Variants in MFGE8 observed in about 807,000 individuals in gnomAD.
MFGE8 encodes lactadherin.
Under a neutral mutation model 42.6 loss-of-function variants are expected in MFGE8, and 34 were observed. That is an observed-to-expected ratio of 0.80 (90% CI 0.61 to 1.06). MFGE8 has a LOEUF of 1.06. MFGE8 is among the 50% of genes least tolerant of loss of function. The probability of loss-of-function intolerance (pLI) is 0.00; values close to 1 mark genes in which losing one functional copy is unlikely to be tolerated. For synonymous variants in MFGE8, 230 were observed against 214.8 expected (o/e 1.07, Z -0.62); for missense variants, 510 against 516.9 (o/e 0.99, Z 0.13).
Position 88,899,731 on chromosome 15 carries a change from T to G in MFGE8, c.951A>C (p.Ala317=). 6.2e-7 allele frequency: 1 copy of G among 1,614,194 alleles called. No homozygotes were observed. The highest frequency in any genetic ancestry group is 8.5e-7 in the Non-Finnish European group (1 of 1,180,038). The change falls in exon 7 of 8, where the codon GCA becomes GCC. Residue 317 remains alanine (A), a synonymous_variant. Transcript: ENST00000268150. The surrounding 1 kb of genome is among the most constrained non-coding windows in gnomAD (Gnocchi z 6.8). ...ARNFGSVQFV[A]SYKVAYSNDS... ...CATTACTGTAGGCAACCTTGTAGGA[T>G]GCCACAAACTGGACAGAGCCAAAGT...
Position 88,905,306 on chromosome 15 carries a change from C to A in MFGE8, c.685+451G>T. ...TAATAAATCATTCATCGGGGCCCCA[C>A]GCCCCTCATTCATTCATTCGCTCAT... On this transcript the variant is annotated intron_variant, in intron 5 of 7. Transcript: ENST00000268150. This position sits in a 1 kb window ranked among gnomAD's most constrained non-coding sequence, Gnocchi z 6.6. 2 of 366,622 alleles carry A rather than the reference C, an allele frequency of 5.5e-6. No individual in the cohort carries two copies. The highest frequency in any genetic ancestry group is 4.1e-5 in the South Asian group (2 of 48,216). The allele number at this position is 366,622 out of a possible 1,614,324, so 22.7% of individuals were successfully genotyped here.
chr15:88,905,750 C>G lies in MFGE8; in HGVS notation c.685+7G>C, dbSNP rs1898640971. On this transcript the variant is annotated splice_region_variant and intron_variant, in intron 5 of 7. Coordinates refer to ENST00000268150, the MANE Select transcript of MFGE8 (RefSeq NM_005928.4). The surrounding 1 kb of genome is among the most constrained non-coding windows in gnomAD (Gnocchi z 6.6). ...AGTGCCCCCCTACCCGCACCCCCAG[C>G]ACTCACCGTTCAGCTCACAGCCCAG... The G allele has an allele frequency of 6.2e-7, 1 of 1,613,980 alleles. No homozygotes were observed. Among genetic ancestry groups the G allele is most frequent in the South Asian group, 1.1e-5 (1 of 91,086 alleles).
At chr15:88,908,079 T>C (rs756401057) in intron 2 of MFGE8, among the ~76,000 whole-genome samples, 4 of 152,110 alleles carry the variant, frequency 2.6e-5, no homozygotes, top group African/African-American at 4.8e-5. Flanking sequence ...TCTGTGAACA[T>C]GCCCGTGGCC....
At chr15:88,910,246 G>A (rs1898895340) in intron 1 of MFGE8, 1 of 370,898 alleles carries the variant, frequency 2.7e-6, no homozygotes, top group African/African-American at 2.1e-5. Context: ...CTGGGGTCTG[G>A]AGAGGCAGGC....
intron 1 of MFGE8, chr15:88,910,655 T>C (rs1317060798): frequency 6.4e-6 from 1 of 156,412 alleles, no homozygotes; most frequent in Non-Finnish European, 1.4e-5. Flanking sequence ...GGAGGGAATA[T>C]TTGAGCTGGG....
At chr15:88,901,517 A>ACCCAAAAAGGGGGAC in intron 6 of MFGE8, 34 bp downstream of exon 6, 1 of 1,072,614 alleles carries the variant, frequency 9.3e-7, no homozygotes, top group Non-Finnish European at 1.4e-6. Flanking sequence ...ATCCCACCCA[A>ACCCAAAAAGGGGGAC]CCCCAGCCCC....
rs369147958 is a variant in MFGE8, at chr15:88,905,830, G to A, written c.612C>T (p.Tyr204=). 2.8e-5 allele frequency: 46 copies of A among 1,614,174 alleles called. No individual in the cohort carries two copies. Among genetic ancestry groups the A allele is most frequent in the African/African-American group, 2.3e-4 (17 of 75,024 alleles). The part of the protein sequence containing the change: ...NLFETPVEAQ[Y]VRLYPTSCHT... ...GGCAGCTCGTGGGGTACAATCTCACGTACTGAGCCTCCACAGGGGTCTCAA... is the reference window on the plus strand; with the variant it reads ...GGCAGCTCGTGGGGTACAATCTCACATACTGAGCCTCCACAGGGGTCTCAA... The change falls in exon 5 of 8, where the codon TAC becomes TAT. Residue 204 remains tyrosine, a synonymous_variant. Coordinates refer to ENST00000268150, the MANE Select transcript of MFGE8 (RefSeq NM_005928.4). This position sits in a 1 kb window ranked among gnomAD's most constrained non-coding sequence, Gnocchi z 6.6.
chr15:88,900,118 T>A (rs1898290523), intron 6 of MFGE8, among the ~76,000 whole-genome samples: 1 of 151,916 alleles, frequency 6.6e-6, no homozygotes, highest in East Asian at 1.9e-4. Context: ...GGTGGCTGCC[T>A]GTAATCCCAG....
At position 88,906,786 on chromosome 15, in the gene MFGE8, C is replaced by A. The variant is rs201293111; in HGVS notation, c.388-8G>T. On this transcript the variant is annotated splice_polypyrimidine_tract_variant and splice_region_variant and intron_variant, in intron 3 of 7. Transcript: ENST00000268150. The surrounding 1 kb of genome is among the most constrained non-coding windows in gnomAD (Gnocchi z 4.2). ...CCTCCGCAGCAGGTTCACCTGGACACAGGGCAGGGGAGATGGCACCCTTAT... is the reference window on the plus strand; with the variant it reads ...CCTCCGCAGCAGGTTCACCTGGACAAAGGGCAGGGGAGATGGCACCCTTAT... 1.9e-6 allele frequency: 3 copies of A among 1,612,560 alleles called. No individual in the cohort carries two copies. Among genetic ancestry groups the A allele is most frequent in the Non-Finnish European group, 2.5e-6 (3 of 1,179,810 alleles).
intron 6 of MFGE8, among the ~76,000 whole-genome samples, chr15:88,900,977 A>ACACACATT (rs1555460874): frequency 7.0e-6 from 1 of 142,704 alleles, no homozygotes; most frequent in Non-Finnish European, 1.5e-5. Flanking sequence ...ACACACATTC[A>ACACACATT]CACACACACA....
At chr15:88,901,511 C>CCCCCAACCCCCCCCCCCA in intron 6 of MFGE8, 40 bp downstream of exon 6, 1 of 908,664 alleles carries the variant, frequency 1.1e-6, no homozygotes, top group Admixed American at 1.8e-5. Flanking sequence ...CACCTCATCC[C>CCCCCAACCCCCCCCCCCA]ACCCAACCCC....
In MFGE8 at chr15:88,899,350, G is replaced by A. The variant is rs1898249926; in HGVS notation, c.*45C>T. 1 of 1,611,748 alleles carries A rather than the reference G, an allele frequency of 6.2e-7. No homozygotes were observed. Among genetic ancestry groups the A allele is most frequent in the Admixed American group, 1.7e-5 (1 of 60,004 alleles). On this transcript the variant is annotated 3_prime_UTR_variant, in exon 8 of 8. Transcript: ENST00000268150. The surrounding 1 kb of genome is among the most constrained non-coding windows in gnomAD (Gnocchi z 6.8). Reference sequence around the variant, plus strand: ...AAAGGGGCTGAGAAGCCAAGAGGCAGCGGGCCCATGGAAAGCAGGAAGACC... The same window carrying A: ...AAAGGGGCTGAGAAGCCAAGAGGCAACGGGCCCATGGAAAGCAGGAAGACC...
intron 1 of MFGE8, 154 bp downstream of exon 1, chr15:88,913,093 G>A (rs1899043717): frequency 1.0e-6 from 1 of 985,458 alleles, no homozygotes; most frequent in South Asian, 4.7e-5. Context: ...TGTCCCGCCA[G>A]GGCGCAGCGG....
chr15:88,908,515 G>T (rs766198735), intron 2 of MFGE8, among the ~76,000 whole-genome samples: 5 of 152,176 alleles, frequency 3.3e-5, no homozygotes, highest in Non-Finnish European at 7.3e-5. Flanking sequence ...GAAGAGCTGC[G>T]AAGGTCCCTC....
rs953727143 is a variant in MFGE8 at position 88,905,561 on chromosome 15, T to C, written c.685+196A>G. On this transcript the variant is annotated intron_variant, in intron 5 of 7. Coordinates refer to ENST00000268150, the MANE Select transcript of MFGE8 (RefSeq NM_005928.4). This position sits in a 1 kb window ranked among gnomAD's most constrained non-coding sequence, Gnocchi z 6.6. Reference sequence around the variant, plus strand: ...CAATCAGAATGCCCTGGGTCATGGGTTGGCAGACAGCAAACACCTGGGTGG... The same window carrying C: ...CAATCAGAATGCCCTGGGTCATGGGCTGGCAGACAGCAAACACCTGGGTGG... The C allele has an allele frequency of 2.7e-6, 2 of 730,238 alleles. No homozygotes were observed. Among genetic ancestry groups the C allele is most frequent in the Non-Finnish European group, 2.4e-6 (1 of 411,194 alleles). The allele number at this position is 730,238 out of a possible 1,614,324, so 45.2% of individuals were successfully genotyped here.
intron 6 of MFGE8, among the ~76,000 whole-genome samples, chr15:88,901,111 ACACATACACATTCACACACACACATT>A (rs1898361747): frequency 9.4e-6 from 1 of 106,120 alleles, no homozygotes; most frequent in African/African-American, 3.1e-5. Context: ...ATACACATTC[ACACATACACATTCACACACACACATT>A]CACACACACA....
chr15:88,901,512 A>ACC, intron 6 of MFGE8, 39 bp downstream of exon 6: 1 of 667,130 alleles, frequency 1.5e-6, no homozygotes, highest in Non-Finnish European at 2.7e-6. Context: ...ACCTCATCCC[A>ACC]CCCAACCCCA....
Position 88,901,477 on chromosome 15 carries a change from G to A in MFGE8, c.870+74C>T, listed in dbSNP as rs993661777. On this transcript the variant is annotated intron_variant, in intron 6 of 7. Coordinates refer to ENST00000268150, the MANE Select transcript of MFGE8 (RefSeq NM_005928.4). ...GAGCAGAAGAGAAGCCTGGGCTGGAGAGAGGTCAAAGATCTGGCAGTCCCA... is the reference window on the plus strand; with the variant it reads ...GAGCAGAAGAGAAGCCTGGGCTGGAAAGAGGTCAAAGATCTGGCAGTCCCA... 7 of 1,451,942 alleles carry A rather than the reference G, an allele frequency of 4.8e-6. No homozygotes were observed. The African/African-American group carries it at 7.0e-5, about 14-fold the overall frequency. The allele number at this position is 1,451,942 out of a possible 1,614,324, so 89.9% of individuals were successfully genotyped here. A position where few individuals can be genotyped will look rare whatever the true frequency, so the allele number is the denominator to read the frequency against.
At chr15:88,901,517 A>ACCCACAAAGGGGACC in intron 6 of MFGE8, 34 bp downstream of exon 6, 1 of 1,072,614 alleles carries the variant, frequency 9.3e-7, no homozygotes, top group African/African-American at 1.6e-5. Context: ...ATCCCACCCA[A>ACCCACAAAGGGGACC]CCCCAGCCCC....
Sources: gnomAD v4.1 joint callset for allele counts (sites outside exome capture counted in the v4.1 genomes callset) on GRCh38, gnomAD v4.1.1 for gene constraint, Gnocchi (gnomAD v3.1) non-coding constraint, MANE v1.5 for transcripts, NCBI Gene and HGNC (gene_info 2026-07-23, HGNC 2026-07-21) for gene names.